The following KATNAL2 variants were observed in gnomAD, a reference collection of about 807,000 sequenced individuals.
The protein encoded by KATNAL2 is katanin catalytic subunit A1 like 2.
Under a neutral mutation model 76.3 loss-of-function variants are expected in KATNAL2, and 52 were observed. The ratio of observed to expected loss-of-function variants is 0.68; its 90% CI spans 0.55 to 0.86. KATNAL2 has a LOEUF of 0.86. Among genes scored for constraint, KATNAL2 ranks in the 40% least tolerant of loss-of-function variants. The pLI is 0.00. For synonymous variants in KATNAL2, 243 were observed against 244.2 expected (o/e 1.00, Z 0.05); for missense variants, 660 against 668.9 (o/e 0.99, Z 0.15).
chr18:47,099,643 C>T (rs180752700), intron 16 of KATNAL2, among the ~76,000 whole-genome samples: 190 of 152,320 alleles, frequency 1.2e-3, no homozygotes, highest in Non-Finnish European at 2.2e-3. Flanking sequence ...CTCAGAGAAC[C>T]TATGGTCAAA....
chr18:47,097,717 G>A (rs772689593), intron 15 of KATNAL2, among the ~76,000 whole-genome samples: 1 of 152,178 alleles, frequency 6.6e-6, no homozygotes, highest in Non-Finnish European at 1.5e-5. Flanking sequence ...TTTGGGGATG[G>A]TTGGAGTATT....
intron 3 of KATNAL2, among the ~76,000 whole-genome samples, chr18:47,045,570 G>A (rs746537851): frequency 5.3e-5 from 8 of 152,054 alleles, no homozygotes; most frequent in Non-Finnish European, 8.8e-5. Context: ...TGATCCATCC[G>A]CCTTGGTCTC....
chr18:47,032,333 A>C (rs2060506000), intron 3 of KATNAL2, among the ~76,000 whole-genome samples: 2 of 152,186 alleles, frequency 1.3e-5, no homozygotes, highest in Admixed American at 1.3e-4. Context: ...TGCAACCTCT[A>C]CTTGCCCAGC....
intron 7 of KATNAL2, among the ~76,000 whole-genome samples, chr18:47,058,916 A>T (rs2571019): frequency 0.58 from 88,317 of 151,900 alleles, 25,972 homozygotes; most frequent in East Asian, 0.68. Flanking sequence ...AGCAGGTGAG[A>T]GAAGTCAATG....
At chr18:47,100,153 G>A in intron 16 of KATNAL2, 101 bp from the exon 17 acceptor site, 1 of 758,216 alleles carries the variant, frequency 1.3e-6, no homozygotes, top group Non-Finnish European at 2.3e-6. Flanking sequence ...GACAGATACA[G>A]AATCTACACA....
At chr18:47,077,311 G>A (rs1457060451) in intron 14 of KATNAL2, 40 bp from the exon 15 acceptor site, 10 of 1,465,466 alleles carry the variant, frequency 6.8e-6, no homozygotes, top group East Asian at 2.3e-5. Flanking sequence ...GAGGGCGAAG[G>A]CTCTGACACT....
chr18:46,951,974 C>T (rs899452960), intron 3 of KATNAL2, among the ~76,000 whole-genome samples: 2 of 151,988 alleles, frequency 1.3e-5, no homozygotes, highest in South Asian at 2.1e-4. Context: ...GGTTTCACCA[C>T]GTTGCCCAGG....
chr18:46,953,622 T>G (rs1196875191), intron 3 of KATNAL2, among the ~76,000 whole-genome samples: 1 of 152,068 alleles, frequency 6.6e-6, no homozygotes, highest in Non-Finnish European at 1.5e-5. Context: ...CTGAGCATGG[T>G]GACAAGTGCT....
chr18:46,925,091 T>A (rs906615201), intron 1 of KATNAL2, among the ~76,000 whole-genome samples: 2 of 152,170 alleles, frequency 1.3e-5, no homozygotes, highest in Admixed American at 1.3e-4. Flanking sequence ...TCCTGCCTGA[T>A]TGCCCTGGCC....
At position 46,929,443 on chromosome 18, in the gene KATNAL2, A is replaced by G. The variant is rs150986588; in HGVS notation, c.-510+11517A>G. The stretch of plus-strand genomic sequence containing the variant: ...TTTTTAGTAGAGACGGAGTTTCACC[A>G]TGTTGGCCAGGCTGATCTCAAACTC... On this transcript the variant is annotated intron_variant, in intron 1 of 17. Transcript: ENST00000683218. 1.2e-3 allele frequency among the ~76,000 whole-genome samples: 177 copies of G among 151,940 alleles called. 1 individual carries two copies. The highest frequency in any genetic ancestry group is 2.2e-3 in the Admixed American group (33 of 15,270).
At chr18:47,034,291 G>A (rs1420354365) in intron 3 of KATNAL2, 1 of 1,613,630 alleles carries the variant, frequency 6.2e-7, no homozygotes, top group Admixed American at 1.7e-5. Context: ...CCCATTTCCT[G>A]GGTCCCGGCC....
chr18:47,092,485 T>C lies in KATNAL2; in HGVS notation c.1212-6758T>C, dbSNP rs1386919377. On this transcript the variant is annotated intron_variant, in intron 15 of 17. Coordinates refer to ENST00000683218, the MANE Select transcript of KATNAL2 (RefSeq NM_001387690.1). ...CTGCACTCTAGGCTGGGTGACAGAG[T>C]GAGTGAGACTCCGTCTCAAAAAAAA... Among the ~76,000 whole-genome samples the C allele has an allele frequency of 2.6e-5, 4 of 152,024 alleles. No individual in the cohort carries two copies. The East Asian group carries it at 7.7e-4, about 29-fold the overall frequency.
chr18:47,069,353 C>A, intron 12 of KATNAL2, 70 bp downstream of exon 12: 1 of 1,420,892 alleles, frequency 7.0e-7, no homozygotes, highest in Non-Finnish European at 9.8e-7. Flanking sequence ...CCCTTCTGTC[C>A]TCACTTCAGG....
intron 1 of KATNAL2, among the ~76,000 whole-genome samples, chr18:46,933,620 T>A (rs1159940642): frequency 6.6e-6 from 1 of 152,208 alleles, no homozygotes; most frequent in East Asian, 1.9e-4. Context: ...TCAGCCTAAA[T>A]GTCAAAATAT....
Position 47,033,748 on chromosome 18 carries a change from C to A in KATNAL2, c.52-12709C>A, listed in dbSNP as rs1018467408. ...CACCGGCATCTTAGCATTCACTCTG[C>A]GTCCAGGGAAAGCAGCTTCCTCCCG... is the stretch of plus-strand genomic sequence containing the variant. On this transcript the variant is annotated intron_variant, in intron 3 of 17. Transcript: ENST00000683218. The A allele has an allele frequency of 2.5e-6, 4 of 1,614,084 alleles. No homozygotes were observed. In the Admixed American group the frequency reaches 5.0e-5, roughly 20 times the overall value.
At chr18:47,092,202 G>A (rs2063030505) in intron 15 of KATNAL2, among the ~76,000 whole-genome samples, 1 of 152,126 alleles carries the variant, frequency 6.6e-6, no homozygotes, top group African/African-American at 2.4e-5. Flanking sequence ...TAGCTTCCCT[G>A]TTAAAAGATC....
intron 3 of KATNAL2, chr18:47,033,374 C>G: frequency 6.2e-7 from 1 of 1,614,170 alleles, no homozygotes; most frequent in East Asian, 2.2e-5. Context: ...GGGTTGTTTC[C>G]ACGTGCAGAT....
intron 3 of KATNAL2, among the ~76,000 whole-genome samples, chr18:47,037,850 A>ATT (rs5824648): frequency 0.044 from 6,535 of 148,022 alleles, 362 homozygotes; most frequent in African/African-American, 0.13. Context: ...TAGGAAAGCC[A>ATT]TTTTTTTTTT....
At chr18:46,927,414 C>G (rs1318291399) in intron 1 of KATNAL2, among the ~76,000 whole-genome samples, 1 of 152,102 alleles carries the variant, frequency 6.6e-6, no homozygotes, top group Non-Finnish European at 1.5e-5. Context: ...ATATTGGTCC[C>G]CACTCTCTTC....
Sources: gnomAD v4.1 joint callset for allele counts (sites outside exome capture counted in the v4.1 genomes callset) on GRCh38, gnomAD v4.1.1 for gene constraint, MANE v1.5 for transcripts, NCBI Gene and HGNC (gene_info 2026-07-23, HGNC 2026-07-21) for gene names.